Variants in POLDIP3 observed in about 807,000 individuals in gnomAD.
The protein encoded by POLDIP3 is DNA polymerase delta interacting protein 3.
A neutral mutation model predicts 45.1 loss-of-function variants in POLDIP3; 14 were observed. The observed-to-expected ratio is 0.31, with a 90% CI of 0.20 to 0.49. The LOEUF is 0.49. POLDIP3 is among the 20% of genes least tolerant of loss of function. The probability of loss-of-function intolerance (pLI) is 0.99; values close to 1 mark genes in which losing one functional copy is unlikely to be tolerated. For synonymous variants in POLDIP3, 223 were observed against 205.2 expected (o/e 1.09, Z -0.74); for missense variants, 511 against 538.8 (o/e 0.95, Z 0.51).
At chr22:42,612,866 G>T (rs1245940096) in intron 1 of POLDIP3, among the ~76,000 whole-genome samples, 1 of 152,020 alleles carries the variant, frequency 6.6e-6, no homozygotes, top group African/African-American at 2.4e-5. Flanking sequence ...ATTTAATCCC[G>T]CTCAACCAGG....
At chr22:42,591,179 C>A (rs1245650238) in intron 7 of POLDIP3, among the ~76,000 whole-genome samples, 7 of 150,672 alleles carry the variant, frequency 4.6e-5, no homozygotes, top group African/African-American at 1.7e-4. Flanking sequence ...TAAGAAAAAA[C>A]AAAAAAAGAA....
rs1189054606 is a variant in POLDIP3 at position 42,584,147 on chromosome 22, T to C, written c.*1644A>G. On this transcript the variant is annotated 3_prime_UTR_variant, in exon 9 of 9. Transcript: ENST00000252115. ...ACCTGAAAAACCAGGTCCTACTGCC[T>C]TCTGGATGCTCTCTTGGGCCAGGAA... 3.3e-5 allele frequency: 5 copies of C among 152,860 alleles called. No individual in the cohort carries two copies. Among genetic ancestry groups the C allele is most frequent in the Non-Finnish European group, 7.3e-5 (5 of 68,204 alleles). 9.5% of individuals were successfully genotyped at this position (152,860 alleles called of 1,614,324 possible).
At position 42,601,950 on chromosome 22, in the gene POLDIP3, C is replaced by G; in HGVS notation, c.537+20G>C. On this transcript the variant is annotated intron_variant, in intron 3 of 8. Coordinates refer to ENST00000252115, the MANE Select transcript of POLDIP3 (RefSeq NM_032311.5). Reference sequence around the variant, plus strand: ...ATGTACACACAGATTCTCTCTCTCTCTCTCACTCACTCACTCTACCTGTTT... The same window carrying G: ...ATGTACACACAGATTCTCTCTCTCTGTCTCACTCACTCACTCTACCTGTTT... The G allele has an allele frequency of 6.2e-7, 1 of 1,611,490 alleles. No individual in the cohort carries two copies. The highest frequency in any genetic ancestry group is 8.5e-7 in the Non-Finnish European group (1 of 1,178,170).
chr22:42,599,325 C>T (rs1451743030), intron 4 of POLDIP3, among the ~76,000 whole-genome samples: 9 of 152,374 alleles, frequency 5.9e-5, no homozygotes, highest in East Asian at 5.8e-4. Flanking sequence ...CTATTCACGC[C>T]GGGCGCAGTG....
At chr22:42,597,732 T>C (rs1372017072) in intron 4 of POLDIP3, 1 of 470,622 alleles carries the variant, frequency 2.1e-6, no homozygotes, top group Non-Finnish European at 4.4e-6. Flanking sequence ...TGGAAAGGCC[T>C]GGTCCCTTTG....
chr22:42,604,593 T>A (rs534378553), intron 1 of POLDIP3, among the ~76,000 whole-genome samples: 3 of 152,138 alleles, frequency 2.0e-5, no homozygotes, highest in African/African-American at 7.2e-5. Context: ...CCAGGAGGCA[T>A]CTCTCATACT....
At position 42,601,009 on chromosome 22, in the gene POLDIP3, C is replaced by A. The variant is rs1837197007; in HGVS notation, c.537+961G>T. Reference sequence around the variant, plus strand: ...ACTCAGGAGGCTGAGGTGGGAGGATCATTTGAGCCCAGAAACTCAAGGCTG... The same window carrying A: ...ACTCAGGAGGCTGAGGTGGGAGGATAATTTGAGCCCAGAAACTCAAGGCTG... On this transcript the variant is annotated intron_variant, in intron 3 of 8. Coordinates refer to ENST00000252115, the MANE Select transcript of POLDIP3 (RefSeq NM_032311.5). Among the ~76,000 whole-genome samples, 4 of 151,822 alleles carry A rather than the reference C, an allele frequency of 2.6e-5. No homozygotes were observed. In the South Asian group the frequency reaches 8.3e-4, roughly 32 times the overall value.
rs113566870 is a variant in POLDIP3 at position 42,585,822 on chromosome 22, G to A, written c.1235C>T (p.Thr412Met). The change falls in exon 9 of 9, where the codon ACG becomes ATG. Residue 412 changes from threonine to methionine, a missense_variant. Around this residue, in one of 4 missense-constraint regions of POLDIP3, gnomAD observed 22 missense variants for 34.1 expected, o/e 0.64. Transcript: ENST00000252115. ...CTTGATTTTGAATTCTGTGGGCTGC[G>A]TGGTCACAGAGGCCCCTGAGGACTT... The part of the protein sequence containing the change: ...LFKSSGASVT[T>M]QPTEFKIKL 20 of 1,612,596 alleles carry A rather than the reference G, an allele frequency of 1.2e-5. No individual in the cohort carries two copies. Among genetic ancestry groups the A allele is most frequent in the South Asian group, 3.3e-5 (3 of 90,996 alleles).
intron 5 of POLDIP3, among the ~76,000 whole-genome samples, chr22:42,595,978 C>A (rs1308679719): frequency 6.6e-6 from 1 of 152,216 alleles, no homozygotes; most frequent in African/African-American, 2.4e-5. Flanking sequence ...TAACATATCA[C>A]CAGATACCGC....
intron 1 of POLDIP3, among the ~76,000 whole-genome samples, chr22:42,612,199 G>T (rs114172482): frequency 2.0e-5 from 3 of 152,262 alleles, no homozygotes; most frequent in African/African-American, 4.8e-5. Flanking sequence ...TGACAATAAC[G>T]AAAGCTAACG....
At chr22:42,602,672 G>A in intron 2 of POLDIP3, 98 bp downstream of exon 2, 1 of 1,359,184 alleles carries the variant, frequency 7.4e-7, no homozygotes, top group Non-Finnish European at 1.0e-6. Context: ...CAACACTTGA[G>A]AGGATAGTAT....
At chr22:42,613,365 T>C (rs370864309) in intron 1 of POLDIP3, among the ~76,000 whole-genome samples, 26 of 152,180 alleles carry the variant, frequency 1.7e-4, no homozygotes, top group African/African-American at 5.8e-4. Context: ...GTGGTGGCAG[T>C]TGTAGTTGAT....
chr22:42,595,452 T>A, intron 6 of POLDIP3, 85 bp downstream of exon 6: 2 of 1,199,116 alleles, frequency 1.7e-6, no homozygotes, highest in Non-Finnish European at 2.5e-6. Context: ...GTCCTAGCAG[T>A]CATCAAACCT....
chr22:42,612,702 T>C (rs1162663438), intron 1 of POLDIP3, among the ~76,000 whole-genome samples: 1 of 152,130 alleles, frequency 6.6e-6, no homozygotes, highest in East Asian at 1.9e-4. Flanking sequence ...GTCGGGCACC[T>C]GTAATCCCAG....
chr22:42,613,409 T>C (rs1927250256), intron 1 of POLDIP3, among the ~76,000 whole-genome samples: 1 of 152,070 alleles, frequency 6.6e-6, no homozygotes, highest in Non-Finnish European at 1.5e-5. Flanking sequence ...AGGTGAGGGA[T>C]ACATTTCAGA....
chr22:42,598,349 C>T (rs1318850946), intron 4 of POLDIP3, among the ~76,000 whole-genome samples: 4 of 150,070 alleles, frequency 2.7e-5, no homozygotes, highest in South Asian at 2.1e-4. Context: ...CTCCTGGGTT[C>T]GTGCCATTCT....
chr22:42,600,397 A>G (rs1223354688), intron 3 of POLDIP3, among the ~76,000 whole-genome samples: 2 of 144,954 alleles, frequency 1.4e-5, no homozygotes, highest in African/African-American at 5.1e-5. Context: ...GAGGCCGAGG[A>G]GGGCGGATCA....
chr22:42,608,082 G>C (rs981101306), intron 1 of POLDIP3, among the ~76,000 whole-genome samples: 5 of 152,356 alleles, frequency 3.3e-5, no homozygotes, highest in African/African-American at 9.6e-5. Flanking sequence ...CATTGAGAAC[G>C]GGCCATGAAG....
At chr22:42,605,203 C>T (rs1926646453) in intron 1 of POLDIP3, among the ~76,000 whole-genome samples, 1 of 152,226 alleles carries the variant, frequency 6.6e-6, no homozygotes, top group African/African-American at 2.4e-5. Context: ...TCTTGGCTCA[C>T]CGCAAGCTCC....
Sources: allele counts gnomAD v4.1 joint callset (sites outside exome capture counted in the v4.1 genomes callset), GRCh38; gene constraint gnomAD v4.1.1; regional missense constraint gnomAD v4.1.1; transcripts MANE v1.5; gene names NCBI Gene and HGNC (gene_info 2026-07-23, HGNC 2026-07-21).